PMM2: variants seen among roughly 807,000 people sequenced by gnomAD.
PMM2 encodes phosphomannomutase 2.
A neutral mutation model predicts 33.2 loss-of-function variants in PMM2; 35 were observed. That is an observed-to-expected ratio of 1.06 (90% CI 0.81 to 1.40). The LOEUF is 1.40. Ranked by LOEUF, PMM2 falls within the 40% of genes most tolerant of loss-of-function variation. PMM2 has a pLI of 0.00. For missense variants in PMM2, 386 were observed against 306.0 expected (o/e 1.26, Z -1.95); for synonymous variants, 153 against 114.7 (o/e 1.33, Z -2.13).
rs142757164 is a variant in PMM2, at chr16:8,844,710, C to T, written c.640-3014C>T. 7.9e-3 allele frequency among the ~76,000 whole-genome samples: 1,203 copies of T among 152,296 alleles called. 14 individuals are homozygous for T. Among genetic ancestry groups the T allele is most frequent in the African/African-American group, 0.028 (1,157 of 41,554 alleles). On this transcript the variant is annotated intron_variant, in intron 7 of 7. Coordinates refer to ENST00000268261, the MANE Select transcript of PMM2 (RefSeq NM_000303.3). The stretch of plus-strand genomic sequence containing the variant: ...GAAGGCTGCCTTCCCAGTCCGTGAC[C>T]GGCGCCGGTTTTTTGGGTCCACAGA...
At chr16:8,832,859 C>T (rs1236034590) in intron 7 of PMM2, 18 of 985,338 alleles carry the variant, frequency 1.8e-5, no homozygotes, top group East Asian at 2.3e-4. Context: ...TGGCCTGTGC[C>T]CTCACGTCCC....
In PMM2 at chr16:8,848,080, A is replaced by G. The variant is rs2060940260; in HGVS notation, c.*255A>G. On this transcript the variant is annotated 3_prime_UTR_variant, in exon 8 of 8. Transcript: ENST00000268261. ...CTTCCCCACCCACCCCCAGCCCCCT[A>G]GTCTAATACCCACCCTGATACGTGC... 2.3e-5 allele frequency: 11 copies of G among 483,574 alleles called. No homozygotes were observed. The highest frequency in any genetic ancestry group is 3.7e-5 in the Non-Finnish European group (10 of 269,652). The allele number at this position is 483,574 out of a possible 1,614,324, so 30.0% of individuals were successfully genotyped here. A position where few individuals can be genotyped will look rare whatever the true frequency, so the allele number is the denominator to read the frequency against.
intron 7 of PMM2, among the ~76,000 whole-genome samples, chr16:8,842,712 C>A (rs950480712): frequency 2.6e-5 from 4 of 152,152 alleles, no homozygotes; most frequent in Non-Finnish European, 4.4e-5. Flanking sequence ...TAAGACTTGT[C>A]CGGTTTCTGG....
intron 1 of PMM2, among the ~76,000 whole-genome samples, chr16:8,801,112 A>G (rs1246527787): frequency 6.6e-6 from 1 of 152,244 alleles, no homozygotes; most frequent in Non-Finnish European, 1.5e-5. Context: ...AAAGATCACC[A>G]CAGCATAGTG....
At chr16:8,805,311 G>A (rs765932222) in intron 3 of PMM2, among the ~76,000 whole-genome samples, 4 of 151,808 alleles carry the variant, frequency 2.6e-5, no homozygotes, top group African/African-American at 4.8e-5. Flanking sequence ...CAAGTGATCC[G>A]CCCACCTCAG....
rs35148703 is a variant in PMM2, at chr16:8,800,665, CTTTTTT to C, written c.67-1123_67-1118del. Reference sequence around the variant, plus strand: ...CAATAAAATCAATTCTAAGCTTCTCCTTTTTTTTTTTTTTTTGTTTTGTTTTGTTTT... The same window carrying C: ...CAATAAAATCAATTCTAAGCTTCTCCTTTTTTTTTTGTTTTGTTTTGTTTT... On this transcript the variant is annotated intron_variant, in intron 1 of 7. Transcript: ENST00000268261. Among the ~76,000 whole-genome samples the C allele has an allele frequency of 7.8e-3, 984 of 126,690 alleles. 19 individuals carry two copies. Among genetic ancestry groups the C allele is most frequent in the African/African-American group, 0.026 (936 of 35,514 alleles). The allele number at this position is 126,690 out of a possible 152,430, so 83.1% of individuals were successfully genotyped here. A position where few individuals can be genotyped will look rare whatever the true frequency, so the allele number is the denominator to read the frequency against.
intron 3 of PMM2, 94 bp downstream of exon 3, chr16:8,804,937 G>A (rs918163146): frequency 1.4e-5 from 11 of 792,400 alleles, no homozygotes; most frequent in Non-Finnish European, 2.0e-5. Flanking sequence ...ATGAGGAACG[G>A]GTAGAAATGA....
chr16:8,844,224 T>G (rs2060908876), intron 7 of PMM2, among the ~76,000 whole-genome samples: 1 of 152,082 alleles, frequency 6.6e-6, no homozygotes, highest in African/African-American at 2.4e-5. Context: ...TTGAAGAGGT[T>G]TTAAGTTCTT....
intron 7 of PMM2, among the ~76,000 whole-genome samples, chr16:8,820,378 A>C (rs7195169): frequency 0.45 from 61,967 of 136,244 alleles, 13,324 homozygotes; most frequent in African/African-American, 0.47. Context: ...TCCTGAGACA[A>C]GGTCTCACTC....
chr16:8,813,857 C>CTTTTTTTTTTT (rs148507269), intron 7 of PMM2, among the ~76,000 whole-genome samples: 13 of 89,138 alleles, frequency 1.5e-4, no homozygotes, highest in Non-Finnish European at 1.5e-4. Flanking sequence ...TTTTCTTTCT[C>CTTTTTTTTTTT]TTTTTTTTTT....
chr16:8,824,559 C>T (rs2060755766), intron 7 of PMM2, among the ~76,000 whole-genome samples: 1 of 152,084 alleles, frequency 6.6e-6, no homozygotes, highest in South Asian at 2.1e-4. Context: ...CGACTATAAA[C>T]CCAAAGAAAG....
chr16:8,835,091 A>G (rs2141040895), intron 7 of PMM2, among the ~76,000 whole-genome samples: 1 of 148,546 alleles, frequency 6.7e-6, no homozygotes, highest in East Asian at 2.0e-4. Flanking sequence ...GGCCTCTAAA[A>G]GTATTAAAGC....
At chr16:8,803,737 G>A (rs1337447281) in intron 2 of PMM2, among the ~76,000 whole-genome samples, 2 of 151,910 alleles carry the variant, frequency 1.3e-5, no homozygotes, top group Non-Finnish European at 2.9e-5. Context: ...ATTCTCTGGT[G>A]CAGTGGCACA....
chr16:8,835,938 T>C (rs57039655), intron 7 of PMM2, among the ~76,000 whole-genome samples: 9,898 of 150,530 alleles, frequency 0.066, 411 homozygotes, highest in Middle Eastern at 0.13. Context: ...CAATGAGATG[T>C]AGCTGTAGTT....
At chr16:8,837,048 G>T (rs1164181446) in intron 7 of PMM2, among the ~76,000 whole-genome samples, 2 of 151,978 alleles carry the variant, frequency 1.3e-5, no homozygotes, top group African/African-American at 4.8e-5. Flanking sequence ...TTGGAACCTA[G>T]CTCAGCCTGG....
At chr16:8,832,756 T>G (rs1435459204) in intron 7 of PMM2, 1 of 984,870 alleles carries the variant, frequency 1.0e-6, no homozygotes, top group African/African-American at 1.7e-5. Flanking sequence ...ACCCGTGAAA[T>G]CCCAGGTGCT....
chr16:8,809,399 T>C (rs1425039614), intron 4 of PMM2: 1 of 152,236 alleles, frequency 6.6e-6, no homozygotes, highest in Non-Finnish European at 1.5e-5. Flanking sequence ...TTACAAGTTA[T>C]CTGAACTTTT....
chr16:8,841,087 C>G (rs1032484376), intron 7 of PMM2, among the ~76,000 whole-genome samples: 2 of 152,008 alleles, frequency 1.3e-5, no homozygotes, highest in African/African-American at 2.4e-5. Context: ...AAAGTACTGT[C>G]CAATCCTTTT....
chr16:8,824,839 C>G (rs1024368179), intron 7 of PMM2, among the ~76,000 whole-genome samples: 2 of 152,124 alleles, frequency 1.3e-5, no homozygotes, highest in Admixed American at 6.6e-5. Flanking sequence ...ACTCAGCTTT[C>G]TAAACAACAA....
Sources: allele counts gnomAD v4.1 joint callset (sites outside exome capture counted in the v4.1 genomes callset), GRCh38; gene constraint gnomAD v4.1.1; transcripts MANE v1.5; gene names NCBI Gene and HGNC (gene_info 2026-07-23, HGNC 2026-07-21).